The following IGFBPL1 variants were observed in gnomAD, a reference collection of about 807,000 sequenced individuals.
IGFBPL1 encodes the protein insulin-like growth factor-binding protein-like 1.
IGFBPL1 carries 20 observed loss-of-function variants against 23.9 expected under a neutral mutation model. That is an observed-to-expected ratio of 0.84 (90% CI 0.59 to 1.22). IGFBPL1 has a LOEUF of 1.22. Among genes scored for constraint, IGFBPL1 ranks in the 50% most tolerant of loss-of-function variants. The probability of loss-of-function intolerance (pLI) is 0.00; values close to 1 mark genes in which losing one functional copy is unlikely to be tolerated. For synonymous variants in IGFBPL1, 184 were observed against 171.8 expected, an observed-to-expected ratio of 1.07 and a Z score of -0.56; for missense variants, 436 against 379.3, an observed-to-expected ratio of 1.15 and a Z score of -1.24.
chr9:38,422,362 T>C (rs567428265), intron 1 of IGFBPL1, among the ~76,000 whole-genome samples: 1 of 152,338 alleles, frequency 6.6e-6, no homozygotes, highest in East Asian at 1.9e-4. Flanking sequence ...GCAGCATTTA[T>C]AGTCTGAGGA....
chr9:38,423,709 C>T (rs1212978936), intron 1 of IGFBPL1, among the ~76,000 whole-genome samples: 6 of 152,186 alleles, frequency 3.9e-5, no homozygotes, highest in Non-Finnish European at 7.3e-5. Context: ...AAATAAGTGA[C>T]TGCATCAGCA....
chr9:38,421,972 T>G (rs1316421555), intron 1 of IGFBPL1, among the ~76,000 whole-genome samples: 1 of 152,166 alleles, frequency 6.6e-6, no homozygotes, highest in Non-Finnish European at 1.5e-5. Flanking sequence ...ATATCTTTAT[T>G]CCCTGGGTCT....
chr9:38,410,501 T>A lies in IGFBPL1; in HGVS notation c.*9+890A>T, dbSNP rs1054838461. Among the ~76,000 whole-genome samples the A allele has an allele frequency of 6.7e-3, 400 of 59,552 alleles. 11 individuals are homozygous for A. Among genetic ancestry groups the A allele is most frequent in the Non-Finnish European group, 8.8e-3 (204 of 23,086 alleles). The allele number at this position is 59,552 out of a possible 152,430, so 39.1% of individuals were successfully genotyped here. ...CTGTCTCAAAAAAAAAAAAAAAAAA[T>A]GATTGGTCTGTAAATGGGCGGGGCA... is the stretch of plus-strand genomic sequence containing the variant. On this transcript the variant is annotated intron_variant, in intron 4 of 4. Coordinates refer to ENST00000377694, the MANE Select transcript of IGFBPL1 (RefSeq NM_001007563.3).
rs376606606 is a variant in IGFBPL1, at chr9:38,423,944, C to T, written c.460+21G>A. On this transcript the variant is annotated intron_variant, in intron 1 of 4. Coordinates refer to ENST00000377694, the MANE Select transcript of IGFBPL1 (RefSeq NM_001007563.3). Reference sequence around the variant, plus strand: ...TGGAATCCCTCCTTCTCTACCCACCCAATCCCCGACCCTGACTCACCGAAC... The same window carrying T: ...TGGAATCCCTCCTTCTCTACCCACCTAATCCCCGACCCTGACTCACCGAAC... 815 of 1,351,980 alleles carry T rather than the reference C, an allele frequency of 6.0e-4. 4 individuals carry two copies. The African/African-American group carries it at 0.011, about 18-fold the overall frequency. 83.7% of individuals were successfully genotyped at this position (1,351,980 alleles called of 1,614,324 possible).
chr9:38,421,124 C>A (rs1821671469), intron 1 of IGFBPL1, among the ~76,000 whole-genome samples: 3 of 151,692 alleles, frequency 2.0e-5, no homozygotes, highest in Admixed American at 2.0e-4. Flanking sequence ...AAGATCCTGT[C>A]TCTACAAAAA....
In IGFBPL1 at chr9:38,411,569, G is replaced by A; in HGVS notation, c.688-20C>T. 1 of 1,610,430 alleles carries A rather than the reference G, an allele frequency of 6.2e-7. No individual in the cohort carries two copies. Among genetic ancestry groups the A allele is most frequent in the Non-Finnish European group, 8.5e-7 (1 of 1,176,912 alleles). On this transcript the variant is annotated intron_variant, in intron 3 of 4. Coordinates refer to ENST00000377694, the MANE Select transcript of IGFBPL1 (RefSeq NM_001007563.3). Reference sequence around the variant, plus strand: ...GTTGATCTAGAAATACAACAGGCAAGTTTATACAGTTATATAAGGAACAGC... The same window carrying A: ...GTTGATCTAGAAATACAACAGGCAAATTTATACAGTTATATAAGGAACAGC...
intron 1 of IGFBPL1, among the ~76,000 whole-genome samples, chr9:38,414,780 C>T (rs1821569438): frequency 6.6e-6 from 1 of 152,156 alleles, no homozygotes; most frequent in South Asian, 2.1e-4. Flanking sequence ...TCCCCATCCC[C>T]AGAAGCCGAC....
chr9:38,411,483 C>T lies in IGFBPL1; in HGVS notation c.754G>A (p.Ala252Thr), dbSNP rs775535088. 5 of 1,613,804 alleles carry T rather than the reference C, an allele frequency of 3.1e-6. No homozygotes were observed. The highest frequency in any genetic ancestry group is 1.3e-5 in the African/African-American group (1 of 75,028). The change falls in exon 4 of 5, where the codon GCT (alanine) becomes ACT (threonine). Residue 252 changes from alanine to threonine, a missense_variant. Transcript: ENST00000377694. ...QCHAANMVGE[A>T]ESHSTVTVLD... The stretch of plus-strand genomic sequence containing the variant: ...ACCGTCACTGTGCTGTGGGACTCAG[C>T]CTCTCCCACCATGTTGGCTGCATGG...
At chr9:38,419,229 G>C (rs1219732759) in intron 1 of IGFBPL1, among the ~76,000 whole-genome samples, 7 of 152,016 alleles carry the variant, frequency 4.6e-5, no homozygotes, top group Admixed American at 3.3e-4. Context: ...CCATCTGCTT[G>C]TATTAAAAAG....
At chr9:38,414,017 T>C in intron 2 of IGFBPL1, 77 bp downstream of exon 2, 3 of 822,294 alleles carry the variant, frequency 3.6e-6, no homozygotes, top group Non-Finnish European at 6.0e-6. Context: ...CACTCACGTC[T>C]GTTTCTCCCT....
chr9:38,421,284 CA>C (rs35342818), intron 1 of IGFBPL1, among the ~76,000 whole-genome samples: 21,245 of 91,142 alleles, frequency 0.23, 1,031 homozygotes, highest in African/African-American at 0.29. Flanking sequence ...GACCCTGTCT[CA>C]AAAAAAAAAA....
rs771447102 is a variant in IGFBPL1, at chr9:38,412,819, C to T, written c.687+418G>A. Among the ~76,000 whole-genome samples the T allele has an allele frequency of 1.4e-3, 210 of 152,198 alleles. 2 individuals are homozygous for T. Among genetic ancestry groups the T allele is most frequent in the Middle Eastern group, 6.3e-3 (2 of 316 alleles). ...AAAGCCAGAAATGGTGGGTCAAGTC[C>T]TCCTCACATCGAATCACTTCAGTCT... On this transcript the variant is annotated intron_variant, in intron 3 of 4. Transcript: ENST00000377694.
At position 38,424,245 on chromosome 9, in the gene IGFBPL1, G is replaced by A; in HGVS notation, c.180C>T (p.Leu60=). ...APCPAPGISA[L]DECGCCARCL... is the part of the protein sequence containing the mutation. ...AGCGGGCGCAGCAGCCGCACTCGTC[G>A]AGCGCCGAGATCCCGGGCGCCGGGC... Residue 60 remains leucine, a synonymous_variant, in exon 1 of 5, where the codon CTC becomes CTT. Coordinates refer to ENST00000377694, the MANE Select transcript of IGFBPL1 (RefSeq NM_001007563.3). The A allele has an allele frequency of 8.2e-7, 1 of 1,215,330 alleles. No individual in the cohort carries two copies. Among genetic ancestry groups the A allele is most frequent in the Non-Finnish European group, 1.0e-6 (1 of 977,636 alleles). 75.3% of individuals were successfully genotyped at this position (1,215,330 alleles called of 1,614,324 possible).
chr9:38,413,457 ACT>A, intron 2 of IGFBPL1, 104 bp from the exon 3 acceptor site: 2 of 729,978 alleles, frequency 2.7e-6, no homozygotes, highest in South Asian at 3.4e-5. Flanking sequence ...CCTCCCACTG[ACT>A]CAAAAACGGA....
intron 1 of IGFBPL1, among the ~76,000 whole-genome samples, chr9:38,417,588 T>A (rs1156311051): frequency 3.3e-5 from 5 of 152,116 alleles, no homozygotes; most frequent in African/African-American, 1.2e-4. Context: ...AATGATTTCC[T>A]AGGAGGACTA....
intron 1 of IGFBPL1, 77 bp from the exon 2 acceptor site, chr9:38,414,280 C>A (rs9774828): frequency 1.5e-5 from 12 of 793,412 alleles, no homozygotes; most frequent in Admixed American, 2.4e-5. Flanking sequence ...TCCCCTGCCG[C>A]GGAGAGCCCG....
intron 1 of IGFBPL1, among the ~76,000 whole-genome samples, chr9:38,419,893 T>TCC: frequency 6.7e-6 from 1 of 149,170 alleles, no homozygotes; most frequent in African/African-American, 2.5e-5. Context: ...CTCCTCCTCC[T>TCC]TCTTCTTCTT....
chr9:38,424,052 C>G lies in IGFBPL1; in HGVS notation c.373G>C (p.Val125Leu). The change falls in exon 1 of 5, where the codon GTC becomes CTC. Residue 125 changes from valine (V) to leucine (L), a missense_variant. Coordinates refer to ENST00000377694, the MANE Select transcript of IGFBPL1 (RefSeq NM_001007563.3). Reference sequence around the variant, plus strand: ...CGAGCGCGCAGGCGCAGCGCGCAGACGCTGGGGTACGAGCGACCGTCGGAG... The same window carrying G: ...CGAGCGCGCAGGCGCAGCGCGCAGAGGCTGGGGTACGAGCGACCGTCGGAG... ...CGSDGRSYPS[V>L]CALRLRARHT... 2 of 1,400,296 alleles carry G rather than the reference C, an allele frequency of 1.4e-6. No individual in the cohort carries two copies. The highest frequency in any genetic ancestry group is 1.8e-6 in the Non-Finnish European group (2 of 1,084,464). 86.7% of individuals were successfully genotyped at this position (1,400,296 alleles called of 1,614,324 possible). A position where few individuals can be genotyped will look rare whatever the true frequency, so the allele number is the denominator to read the frequency against.
intron 1 of IGFBPL1, among the ~76,000 whole-genome samples, chr9:38,420,846 C>CA (rs1312956871): frequency 6.6e-6 from 1 of 152,010 alleles, no homozygotes; most frequent in Non-Finnish European, 1.5e-5. Flanking sequence ...CAAAACAAAA[C>CA]AAAACAAAAC....
Sources: allele counts gnomAD v4.1 joint callset (sites outside exome capture counted in the v4.1 genomes callset), GRCh38; gene constraint gnomAD v4.1.1; transcripts MANE v1.5; gene names NCBI Gene and HGNC (gene_info 2026-07-23, HGNC 2026-07-21).